The following TRPM3 variants were observed in gnomAD, a reference collection of about 807,000 sequenced individuals.
TRPM3 encodes the protein long transient receptor potential channel 3.
Under a neutral mutation model 181.2 loss-of-function variants are expected in TRPM3, and 77 were observed. The observed-to-expected ratio is 0.42, with a 90% confidence interval of 0.35 to 0.51. TRPM3 has a LOEUF of 0.51. TRPM3 is among the 20% of genes least tolerant of loss of function. TRPM3 has a pLI of 0.01. For missense variants in TRPM3, 1,759 were observed against 2,196.7 expected (o/e 0.80, Z 3.98); for synonymous variants, 745 against 796.4 (o/e 0.94, Z 1.09).
intron 8 of TRPM3, among the ~76,000 whole-genome samples, chr9:70,696,145 G>A (rs968422615): frequency 3.9e-5 from 6 of 152,198 alleles, no homozygotes; most frequent in African/African-American, 1.4e-4. Context: ...CCTTAACCCA[G>A]TAGTATGGCT....
At chr9:71,282,552 T>C (rs2084933363) in intron 1 of TRPM3, among the ~76,000 whole-genome samples, 1 of 152,222 alleles carries the variant, frequency 6.6e-6, no homozygotes, top group Admixed American at 6.5e-5. Flanking sequence ...TATTTATGTT[T>C]AAACTTCAAG....
chr9:70,926,359 T>C (rs981905816), intron 1 of TRPM3, among the ~76,000 whole-genome samples: 2 of 152,206 alleles, frequency 1.3e-5, no homozygotes, highest in Non-Finnish European at 2.9e-5. Context: ...TGTATTTATC[T>C]GTAAAAATTT....
At chr9:71,405,089 T>C (rs532099733) in intron 1 of TRPM3, among the ~76,000 whole-genome samples, 13 of 152,218 alleles carry the variant, frequency 8.5e-5, no homozygotes, top group Admixed American at 7.9e-4. Flanking sequence ...TCTATCTCAT[T>C]TTACTTCACA....
At position 71,197,502 on chromosome 9, in the gene TRPM3, T is replaced by C. The variant is rs957421222; in HGVS notation, c.183+249151A>G. ...AGTCCCACCAACAGTGTAAAAGTGT[T>C]CCTATTTCTCCACATCCTCTCCAGC... is the stretch of plus-strand genomic sequence containing the variant. On this transcript the variant is annotated intron_variant, in intron 1 of 24. Transcript: ENST00000357533. Among the ~76,000 whole-genome samples the C allele has an allele frequency of 2.1e-4, 32 of 151,930 alleles. 1 individual carries two copies. The highest frequency in any genetic ancestry group is 1.2e-3 in the Admixed American group (19 of 15,252).
chr9:71,304,425 G>A (rs1368995656), intron 1 of TRPM3, among the ~76,000 whole-genome samples: 4 of 152,140 alleles, frequency 2.6e-5, no homozygotes, highest in Non-Finnish European at 4.4e-5. Flanking sequence ...GGTAATGTAA[G>A]GACTGGTTTA....
chr9:71,379,295 C>T (rs2092737519), intron 1 of TRPM3, among the ~76,000 whole-genome samples: 1 of 152,058 alleles, frequency 6.6e-6, no homozygotes, highest in African/African-American at 2.4e-5. Flanking sequence ...TGGAACCATA[C>T]TTTAAATCAT....
At chr9:71,001,592 A>T (rs896269106) in intron 1 of TRPM3, among the ~76,000 whole-genome samples, 1 of 152,176 alleles carries the variant, frequency 6.6e-6, no homozygotes, top group Non-Finnish European at 1.5e-5. Flanking sequence ...CAACAGAGAC[A>T]TTGTGAAAAA....
At chr9:70,860,625 G>A (rs558709514) in intron 3 of TRPM3, among the ~76,000 whole-genome samples, 8 of 152,218 alleles carry the variant, frequency 5.3e-5, no homozygotes, top group Non-Finnish European at 7.4e-5. Flanking sequence ...TAGGCTAAGG[G>A]GTGAGAACTT....
rs753618427 is a variant in TRPM3, at chr9:70,615,872, C to A, written c.2526+36G>T. ...CGGTGGGACAAGTGGATTAGGAATTCTGCCCATAGAGAATAACTGTGCAAT... is the reference window on the plus strand; with the variant it reads ...CGGTGGGACAAGTGGATTAGGAATTATGCCCATAGAGAATAACTGTGCAAT... On this transcript the variant is annotated intron_variant, in intron 18 of 25. Coordinates refer to ENST00000677713, the MANE Select transcript of TRPM3 (RefSeq NM_001366145.2). The A allele has an allele frequency of 2.6e-6, 4 of 1,564,410 alleles. No homozygotes were observed. In the East Asian group the frequency reaches 9.0e-5, roughly 35 times the overall value.
chr9:70,814,847 C>A (rs1355281305), intron 6 of TRPM3, among the ~76,000 whole-genome samples: 1 of 151,590 alleles, frequency 6.6e-6, no homozygotes, highest in Non-Finnish European at 1.5e-5. Context: ...GGTTTTCTTC[C>A]CTTCCCTCTC....
chr9:70,682,279 A>G (rs1235905215), intron 8 of TRPM3, among the ~76,000 whole-genome samples: 1 of 152,186 alleles, frequency 6.6e-6, no homozygotes, highest in African/African-American at 2.4e-5. Flanking sequence ...CATAAAATAA[A>G]TATATGTATT....
intron 1 of TRPM3, among the ~76,000 whole-genome samples, chr9:70,975,941 C>T (rs747331201): frequency 3.9e-5 from 6 of 152,176 alleles, no homozygotes; most frequent in Non-Finnish European, 7.3e-5. Flanking sequence ...TTACCCAAAG[C>T]GTCAAGCATA....
At chr9:70,971,521 T>C (rs1357348116) in intron 1 of TRPM3, among the ~76,000 whole-genome samples, 3 of 151,982 alleles carry the variant, frequency 2.0e-5, no homozygotes, top group Non-Finnish European at 4.4e-5. Context: ...GAATCCCTAT[T>C]AGGGATGAAT....
chr9:71,312,373 A>G (rs956011472), intron 1 of TRPM3, among the ~76,000 whole-genome samples: 1 of 152,170 alleles, frequency 6.6e-6, no homozygotes, highest in South Asian at 2.1e-4. Context: ...ATCTATTAAA[A>G]TGGCCAAAAT....
chr9:70,869,974 G>A (rs1342785295), intron 1 of TRPM3, among the ~76,000 whole-genome samples: 1 of 151,954 alleles, frequency 6.6e-6, no homozygotes, highest in East Asian at 1.9e-4. Context: ...TTTCAAGAAG[G>A]CAAAAATACT....
At chr9:71,033,370 A>C (rs2057782827) in intron 1 of TRPM3, among the ~76,000 whole-genome samples, 1 of 151,992 alleles carries the variant, frequency 6.6e-6, no homozygotes. Flanking sequence ...TAGTTTAAGC[A>C]AGATGACATA....
intron 1 of TRPM3, among the ~76,000 whole-genome samples, chr9:71,007,157 A>C (rs149918035): frequency 2.6e-5 from 4 of 151,516 alleles, no homozygotes; most frequent in Non-Finnish European, 5.9e-5. Context: ...ATAGCAAGAG[A>C]ATATACAATT....
In TRPM3 at chr9:71,085,023, T is replaced by C. The variant is rs534847533; in HGVS notation, c.177+36155A>G. Among the ~76,000 whole-genome samples, 141 of 151,990 alleles carry C rather than the reference T, an allele frequency of 9.3e-4. 1 individual carries two copies. The highest frequency in any genetic ancestry group is 3.2e-3 in the African/African-American group (132 of 41,480). ...TGACAAAATCAACAAAAATAAGCAA[T>C]AGGGAAGGGACTCCCTAGTCAACAA... On this transcript the variant is annotated intron_variant, in intron 1 of 25. Transcript: ENST00000677713.
intron 7 of TRPM3, 25 bp from the exon 8 acceptor site, chr9:70,761,749 G>A: frequency 6.3e-7 from 1 of 1,599,320 alleles, no homozygotes; most frequent in Non-Finnish European, 8.5e-7. Context: ...AATGTCAAAA[G>A]CAGGTCAACC....
Sources: allele counts gnomAD v4.1 joint callset (sites outside exome capture counted in the v4.1 genomes callset), GRCh38; gene constraint gnomAD v4.1.1; transcripts MANE v1.5; gene names NCBI Gene and HGNC (gene_info 2026-07-23, HGNC 2026-07-21).